The following DPYS variants were observed in gnomAD, a reference collection of about 807,000 sequenced individuals.
DPYS encodes dihydropyrimidinase, also known as dihydropyrimidine amidohydrolase.
Under a neutral mutation model 50.3 loss-of-function variants are expected in DPYS, and 39 were observed. The ratio of observed to expected loss-of-function variants is 0.78; its 90% CI spans 0.60 to 1.01. The LOEUF (loss-of-function observed/expected upper bound fraction) is 1.01, where lower values mean the gene tolerates loss of function less well. DPYS is among the 50% of genes least tolerant of loss of function. DPYS has a pLI of 0.00. For missense variants in DPYS, 659 were observed against 680.9 expected (o/e 0.97, Z 0.36); for synonymous variants, 245 against 250.7 (o/e 0.98, Z 0.22).
intron 8 of DPYS, among the ~76,000 whole-genome samples, chr8:104,384,810 T>C (rs1410454560): frequency 1.3e-5 from 2 of 152,174 alleles, no homozygotes; most frequent in Non-Finnish European, 2.9e-5. Flanking sequence ...AAAACCAGGA[T>C]GAGGAAACAG....
chr8:104,393,866 T>C (rs138436996), intron 7 of DPYS, among the ~76,000 whole-genome samples: 1 of 152,316 alleles, frequency 6.6e-6, no homozygotes, highest in African/African-American at 2.4e-5. Context: ...CGTGAGTAAG[T>C]TCTTTAGTGG....
Position 104,383,768 on chromosome 8 carries a change from A to C in DPYS, c.1444-2454T>G, listed in dbSNP as rs143685086. On this transcript the variant is annotated intron_variant, in intron 8 of 9. Transcript: ENST00000351513. Reference sequence around the variant, plus strand: ...AGGCACACACCACCATGGCCAGCTAATTTTTGTATTTTTAGTAGAGACGGG... The same window carrying C: ...AGGCACACACCACCATGGCCAGCTACTTTTTGTATTTTTAGTAGAGACGGG... Among the ~76,000 whole-genome samples, 356 of 152,090 alleles carry C rather than the reference A, an allele frequency of 2.3e-3. 4 individuals are homozygous for C. The highest frequency in any genetic ancestry group is 8.1e-3 in the African/African-American group (337 of 41,502).
chr8:104,448,626 A>G lies in DPYS; in HGVS notation c.424-1123T>C, dbSNP rs547598346. On this transcript the variant is annotated intron_variant, in intron 2 of 9. Transcript: ENST00000351513. Reference sequence around the variant, plus strand: ...ACACACAATGAAAAGTGTAACAAGCATAGGATTATTGCTCTTAGCTAATAA... The same window carrying G: ...ACACACAATGAAAAGTGTAACAAGCGTAGGATTATTGCTCTTAGCTAATAA... Among the ~76,000 whole-genome samples the G allele has an allele frequency of 1.1e-3, 173 of 151,736 alleles. 1 individual carries two copies. Among genetic ancestry groups the G allele is most frequent in the South Asian group, 9.2e-3 (44 of 4,784 alleles).
chr8:104,434,085 C>G (rs1813045581), intron 4 of DPYS, among the ~76,000 whole-genome samples: 1 of 152,102 alleles, frequency 6.6e-6, no homozygotes, highest in South Asian at 2.1e-4. Flanking sequence ...AGACATCAAT[C>G]AAATACATGT....
chr8:104,399,186 G>A (rs1256747713), intron 7 of DPYS, among the ~76,000 whole-genome samples: 3 of 151,450 alleles, frequency 2.0e-5, no homozygotes, highest in East Asian at 3.9e-4. Flanking sequence ...AGCTACTCAG[G>A]AGGCTGAAGC....
In DPYS at chr8:104,444,268, A is replaced by G. The variant is rs566141183; in HGVS notation, c.773T>C (p.Ile258Thr). Reference protein sequence around the residue: ...HVMSKSAAKVIADARRDGKVV... With the variant: ...HVMSKSAAKVTADARRDGKVV... ...ATTACCATCTCTCCTTGCATCCGCT[A>G]TCACCTTAGCTGCAGACTTGCTCAT... The change falls in exon 4 of 10, where the codon ATA (isoleucine) becomes ACA (threonine). Residue 258 changes from isoleucine to threonine, a missense_variant. By Grantham distance (89) the Ile-to-Thr change is moderately conservative. Coordinates refer to ENST00000351513, the MANE Select transcript of DPYS (RefSeq NM_001385.3). 7 of 1,614,124 alleles carry G rather than the reference A, an allele frequency of 4.3e-6. No homozygotes were observed. Among genetic ancestry groups the G allele is most frequent in the Non-Finnish European group, 5.9e-6 (7 of 1,180,048 alleles).
At chr8:104,450,136 A>G (rs1813681012) in intron 2 of DPYS, among the ~76,000 whole-genome samples, 1 of 122,794 alleles carries the variant, frequency 8.1e-6, no homozygotes, top group South Asian at 3.2e-4. Context: ...AGGGAAGAGA[A>G]GAAAAGAAAG....
chr8:104,434,771 G>C (rs138293361), intron 4 of DPYS, among the ~76,000 whole-genome samples: 185 of 152,250 alleles, frequency 1.2e-3, no homozygotes, highest in Admixed American at 2.7e-3. Flanking sequence ...GAACTTTGTT[G>C]TTTATGAAAA....
chr8:104,451,416 A>T lies in DPYS; in HGVS notation c.265-12T>A, dbSNP rs192508517. The T allele has an allele frequency of 1.1e-5, 18 of 1,614,026 alleles. No individual in the cohort carries two copies. In the East Asian group the frequency reaches 3.8e-4, roughly 34 times the overall value. On this transcript the variant is annotated splice_polypyrimidine_tract_variant and intron_variant, in intron 1 of 9. Coordinates refer to ENST00000351513, the MANE Select transcript of DPYS (RefSeq NM_001385.3). ...CCTGAGAGAGCAGCCTGGAATCATAAGAGGTTTTCAACAAATTAGCTATCA... is the reference window on the plus strand; with the variant it reads ...CCTGAGAGAGCAGCCTGGAATCATATGAGGTTTTCAACAAATTAGCTATCA...
intron 7 of DPYS, chr8:104,411,633 A>G (rs1395890781): frequency 1.3e-5 from 2 of 152,264 alleles, no homozygotes; most frequent in Non-Finnish European, 2.9e-5. Flanking sequence ...AAAGGACTTC[A>G]CAGGAAAGGA....
intron 7 of DPYS, among the ~76,000 whole-genome samples, chr8:104,399,605 C>T (rs1324818149): frequency 6.6e-6 from 1 of 151,856 alleles, no homozygotes; most frequent in Non-Finnish European, 1.5e-5. Flanking sequence ...TGCGGTTGCT[C>T]ACGCCTGTAA....
intron 8 of DPYS, among the ~76,000 whole-genome samples, chr8:104,390,607 C>T (rs1274581982): frequency 1.3e-5 from 2 of 151,778 alleles, no homozygotes; most frequent in Non-Finnish European, 2.9e-5. Context: ...AAGCTATTCT[C>T]GTGCCTCAGC....
chr8:104,417,594 C>T (rs535197238), intron 7 of DPYS, among the ~76,000 whole-genome samples: 2 of 151,096 alleles, frequency 1.3e-5, no homozygotes, highest in South Asian at 2.1e-4. Flanking sequence ...AAACTTTGAC[C>T]CAAGTAGTGA....
At chr8:104,463,447 C>G (rs1437964206) in intron 1 of DPYS, among the ~76,000 whole-genome samples, 2 of 152,156 alleles carry the variant, frequency 1.3e-5, no homozygotes, top group Non-Finnish European at 2.9e-5. Flanking sequence ...ACTTGCCACC[C>G]TGACAAATCT....
intron 2 of DPYS, among the ~76,000 whole-genome samples, chr8:104,449,866 C>T (rs1813670870): frequency 6.6e-6 from 1 of 152,180 alleles, no homozygotes; most frequent in African/African-American, 2.4e-5. Context: ...GACTTCTGGC[C>T]TCCACAACTG....
At chr8:104,399,059 G>A (rs956361132) in intron 7 of DPYS, among the ~76,000 whole-genome samples, 2 of 152,088 alleles carry the variant, frequency 1.3e-5, no homozygotes, top group Admixed American at 6.5e-5. Context: ...GGGAAGCTGA[G>A]GCGGGCAGAT....
chr8:104,380,897 AT>A (rs1174479699), intron 9 of DPYS: 2 of 345,294 alleles, frequency 5.8e-6, no homozygotes, highest in Admixed American at 3.9e-5. Flanking sequence ...TTCCCTCTGT[AT>A]GTTATCAGCC....
At chr8:104,463,884 G>C (rs1361405861) in intron 1 of DPYS, among the ~76,000 whole-genome samples, 1 of 152,130 alleles carries the variant, frequency 6.6e-6, no homozygotes, top group East Asian at 1.9e-4. Flanking sequence ...TCAGAATTCA[G>C]GTCAATACTG....
chr8:104,424,587 G>A (rs1040926892), intron 6 of DPYS, among the ~76,000 whole-genome samples, 198 bp from the exon 7 acceptor site: 1 of 152,186 alleles, frequency 6.6e-6, no homozygotes, highest in African/African-American at 2.4e-5. Context: ...ATGGAAGCCT[G>A]AAGATGACTT....
Sources: allele counts gnomAD v4.1 joint callset (sites outside exome capture counted in the v4.1 genomes callset), GRCh38; gene constraint gnomAD v4.1.1; transcripts MANE v1.5; gene names NCBI Gene and HGNC (gene_info 2026-07-23, HGNC 2026-07-21).